Variants in DTHD1 observed in about 807,000 individuals in gnomAD.
The protein encoded by DTHD1 is death domain-containing protein 1.
Under a neutral mutation model 74.8 loss-of-function variants are expected in DTHD1, and 59 were observed. The observed-to-expected ratio is 0.79, with a 90% CI of 0.64 to 0.98. The LOEUF (loss-of-function observed/expected upper bound fraction) is 0.98, where lower values mean the gene tolerates loss of function less well. Ranked by LOEUF, DTHD1 falls within the 50% of genes least tolerant of loss-of-function variation. The pLI is 0.00. For missense variants in DTHD1, 1,051 were observed against 1,065.4 expected (o/e 0.99, Z 0.19); for synonymous variants, 365 against 371.1 (o/e 0.98, Z 0.19).
rs1759634723 is a variant in DTHD1 at position 36,347,280 on chromosome 4, A to C, written c.*3456A>C. On this transcript the variant is annotated 3_prime_UTR_variant, in exon 10 of 10. Coordinates refer to ENST00000639862, the MANE Select transcript of DTHD1 (RefSeq NM_001170700.3). ...GAAATTTTGCAGTATATATTCTTTT[A>C]TGTTTGACTTTTTATTCAACTTTAT... Among the ~76,000 whole-genome samples the C allele has an allele frequency of 1.3e-5, 2 of 152,034 alleles. No homozygotes were observed. Among genetic ancestry groups the C allele is most frequent in the African/African-American group, 4.8e-5 (2 of 41,408 alleles).
In DTHD1 at chr4:36,293,617, G is replaced by C. The variant is rs1056021890; in HGVS notation, c.1310G>C (p.Gly437Ala). ...GAGTCGTTCACAGTAACAAAGAAAGGCCTCGCTCTTAAGTCAAGCATGGAT... is the reference window on the plus strand; with the variant it reads ...GAGTCGTTCACAGTAACAAAGAAAGCCCTCGCTCTTAAGTCAAGCATGGAT... ...KKESFTVTKKGLALKSSMDSR... is the reference protein window; with the variant it reads ...KKESFTVTKKALALKSSMDSR... Residue 437 changes from glycine to alanine, a missense_variant, in exon 4 of 10, where the codon GGC becomes GCC. Coordinates refer to ENST00000639862, the MANE Select transcript of DTHD1 (RefSeq NM_001170700.3). 11 of 1,549,276 alleles carry C rather than the reference G, an allele frequency of 7.1e-6. No individual in the cohort carries two copies. Among genetic ancestry groups the C allele is most frequent in the Non-Finnish European group, 9.6e-6 (11 of 1,145,416 alleles).
At chr4:36,311,122 TGGAGACC>T (rs1757380400) in intron 7 of DTHD1, 2 of 152,266 alleles carry the variant, frequency 1.3e-5, no homozygotes, top group Non-Finnish European at 2.9e-5. Flanking sequence ...CTGCCTGTTG[TGGAGACC>T]GGGGAGCACG....
intron 8 of DTHD1, among the ~76,000 whole-genome samples, chr4:36,332,260 T>G (rs575038620): frequency 6.9e-6 from 1 of 145,618 alleles, no homozygotes; most frequent in Non-Finnish European, 1.6e-5. Flanking sequence ...AATAAAATAA[T>G]AATATTGCTC....
In DTHD1 at chr4:36,290,418, T is replaced by C. The variant is rs777712982; in HGVS notation, c.933T>C (p.Cys311=). Residue 311 remains cysteine (C), a synonymous_variant, in exon 3 of 10, where the codon TGT becomes TGC. Transcript: ENST00000639862. ...LSDVTGPQVS[C]YITAPSYVLQ... Reference sequence around the variant, plus strand: ...ATGTTACTGGCCCCCAAGTGTCTTGTTATATTACAGCACCATCATATGTTC... The same window carrying C: ...ATGTTACTGGCCCCCAAGTGTCTTGCTATATTACAGCACCATCATATGTTC... 1.3e-6 allele frequency: 2 copies of C among 1,551,870 alleles called. No homozygotes were observed. The highest frequency in any genetic ancestry group is 2.0e-5 in the Admixed American group (1 of 50,986).
intron 8 of DTHD1, among the ~76,000 whole-genome samples, chr4:36,327,617 T>C (rs895300323): frequency 6.6e-6 from 1 of 152,224 alleles, no homozygotes; most frequent in African/African-American, 2.4e-5. Context: ...TTTGAAGTGC[T>C]TTATGTGCAT....
intron 9 of DTHD1, among the ~76,000 whole-genome samples, chr4:36,342,794 G>A (rs1038090652): frequency 2.0e-5 from 3 of 151,712 alleles, no homozygotes; most frequent in Admixed American, 6.6e-5. Flanking sequence ...AATGCTACTC[G>A]GCCAGGCGTG....
intron 9 of DTHD1, 87 bp from the exon 10 acceptor site, chr4:36,343,411 GGAGA>G: frequency 8.0e-6 from 10 of 1,242,512 alleles, no homozygotes; most frequent in Non-Finnish European, 1.1e-5. Context: ...AAAAGAGCAG[GGAGA>G]CTTCCTATAA....
chr4:36,299,636 C>T (rs528753751), intron 5 of DTHD1, among the ~76,000 whole-genome samples: 66 of 152,212 alleles, frequency 4.3e-4, no homozygotes, highest in African/African-American at 1.5e-3. Context: ...TCTGTCCTTC[C>T]GAGTTTCCAC....
At chr4:36,337,647 A>G (rs760117354) in intron 8 of DTHD1, among the ~76,000 whole-genome samples, 100 of 152,314 alleles carry the variant, frequency 6.6e-4, no homozygotes, top group Non-Finnish European at 1.2e-3. Context: ...ACTTCAACTC[A>G]TGCTATGTTT....
At chr4:36,329,829 A>G (rs1758567530) in intron 8 of DTHD1, among the ~76,000 whole-genome samples, 1 of 152,208 alleles carries the variant, frequency 6.6e-6, no homozygotes, top group Non-Finnish European at 1.5e-5. Context: ...TCTTTTTGAC[A>G]GAGAATAGCT....
intron 8 of DTHD1, among the ~76,000 whole-genome samples, chr4:36,330,552 G>T (rs552610146): frequency 1.3e-5 from 2 of 152,204 alleles, no homozygotes; most frequent in South Asian, 2.1e-4. Context: ...AGTTTTTAGA[G>T]TAATTCCTGG....
At chr4:36,287,723 C>T (rs1378338160) in intron 2 of DTHD1, among the ~76,000 whole-genome samples, 1 of 152,180 alleles carries the variant, frequency 6.6e-6, no homozygotes, top group East Asian at 1.9e-4. Context: ...ATTTGCATTT[C>T]CCTGATCATT....
At position 36,345,921 on chromosome 4, in the gene DTHD1, C is replaced by T. The variant is rs1759561542; in HGVS notation, c.*2097C>T. Among the ~76,000 whole-genome samples, 2 of 152,064 alleles carry T rather than the reference C, an allele frequency of 1.3e-5. No individual in the cohort carries two copies. Among genetic ancestry groups the T allele is most frequent in the Admixed American group, 1.3e-4 (2 of 15,248 alleles). On this transcript the variant is annotated 3_prime_UTR_variant, in exon 10 of 10. Coordinates refer to ENST00000639862, the MANE Select transcript of DTHD1 (RefSeq NM_001170700.3). ...ACACATGCTAATATGTATGTCCCAT[C>T]ACACACATCCCTGCCACACACCTCT...
chr4:36,288,694 A>G (rs1269327770), intron 2 of DTHD1, among the ~76,000 whole-genome samples: 2 of 152,164 alleles, frequency 1.3e-5, no homozygotes, highest in East Asian at 3.9e-4. Flanking sequence ...GTGCCATGCC[A>G]CATAACTGTA....
At chr4:36,306,993 G>C (rs1757093649) in intron 6 of DTHD1, among the ~76,000 whole-genome samples, 1 of 152,228 alleles carries the variant, frequency 6.6e-6, no homozygotes, top group Non-Finnish European at 1.5e-5. Context: ...CATGGTTTCA[G>C]ATGAAGTATT....
chr4:36,318,282 G>A (rs1309398100), intron 8 of DTHD1, among the ~76,000 whole-genome samples: 2 of 152,152 alleles, frequency 1.3e-5, no homozygotes, highest in Non-Finnish European at 2.9e-5. Context: ...ATACAAGATG[G>A]ATTTTAGGGC....
At chr4:36,322,450 G>C (rs80313452) in intron 8 of DTHD1, among the ~76,000 whole-genome samples, 183 of 152,238 alleles carry the variant, frequency 1.2e-3, no homozygotes, top group African/African-American at 4.1e-3. Flanking sequence ...GGATAGCTAG[G>C]GAAGACCTCA....
Position 36,316,362 on chromosome 4 carries a change from A to G in DTHD1, c.2216A>G (p.Lys739Arg). ...GGAAACTATAGTTGCCCTCATTACA[A>G]AGGCACCATTGTCGTTTATAAAGTA... ...EFGNYSCPHY[K>R]GTIVVYKVPK... Residue 739 changes from lysine (K) to arginine (R), a missense_variant, in exon 8 of 10, where the codon AAA becomes AGA. Coordinates refer to ENST00000639862, the MANE Select transcript of DTHD1 (RefSeq NM_001170700.3). The G allele has an allele frequency of 3.2e-6, 5 of 1,552,208 alleles. No homozygotes were observed. The highest frequency in any genetic ancestry group is 4.4e-6 in the Non-Finnish European group (5 of 1,147,078).
chr4:36,299,431 C>G (rs13138374), intron 5 of DTHD1, among the ~76,000 whole-genome samples: 2 of 152,026 alleles, frequency 1.3e-5, no homozygotes, highest in African/African-American at 4.8e-5. Flanking sequence ...CTTTATTTTG[C>G]CTGCTGCTTT....
Sources: gnomAD v4.1 joint callset for allele counts (sites outside exome capture counted in the v4.1 genomes callset) on GRCh38, gnomAD v4.1.1 for gene constraint, MANE v1.5 for transcripts, NCBI Gene and HGNC (gene_info 2026-07-23, HGNC 2026-07-21) for gene names.